Variants in SH3RF3 observed in about 807,000 individuals in gnomAD.
SH3RF3 encodes E3 ubiquitin-protein ligase SH3RF3.
A neutral mutation model predicts 66.3 loss-of-function variants in SH3RF3; 29 were observed. That is an observed-to-expected ratio of 0.44 (90% CI 0.33 to 0.60). The LOEUF (loss-of-function observed/expected upper bound fraction) is 0.60. SH3RF3 is among the 20% of genes least tolerant of loss of function. The pLI is 0.04. For synonymous variants in SH3RF3, 583 were observed against 532.0 expected (o/e 1.10, Z -1.32); for missense variants, 1,194 against 1,190.9 (o/e 1.00, Z -0.04).
chr2:109,357,877 CAG>C (rs777668910), intron 2 of SH3RF3, among the ~76,000 whole-genome samples: 3 of 152,304 alleles, frequency 2.0e-5, no homozygotes, highest in Non-Finnish European at 4.4e-5. Context: ...CATCACTCAC[CAG>C]AGTTAGTGCA....
chr2:109,349,565 G>A (rs1429467220), intron 2 of SH3RF3, among the ~76,000 whole-genome samples: 1 of 152,170 alleles, frequency 6.6e-6, no homozygotes, highest in African/African-American at 2.4e-5. Flanking sequence ...CCAAGAGCAG[G>A]GACCTCTGAA....
chr2:109,212,237 C>T (rs1225733626), intron 1 of SH3RF3, among the ~76,000 whole-genome samples: 1 of 152,172 alleles, frequency 6.6e-6, no homozygotes, highest in Non-Finnish European at 1.5e-5. Context: ...CTTGACTCCT[C>T]ACTTCCCTCC....
At chr2:109,386,561 G>GT (rs1186070463) in intron 3 of SH3RF3, among the ~76,000 whole-genome samples, 5 of 152,254 alleles carry the variant, frequency 3.3e-5, no homozygotes, top group Non-Finnish European at 7.3e-5. Flanking sequence ...CGGCCCTTGA[G>GT]TGTGAGTCCT....
chr2:109,200,948 C>T (rs1678656048), intron 1 of SH3RF3, among the ~76,000 whole-genome samples: 2 of 152,286 alleles, frequency 1.3e-5, no homozygotes, highest in South Asian at 4.1e-4. Flanking sequence ...CTCGCAGTGG[C>T]CCGGGGCCCA....
intron 9 of SH3RF3, among the ~76,000 whole-genome samples, chr2:109,491,304 G>T (rs1278416255): frequency 6.6e-6 from 1 of 152,168 alleles, no homozygotes. Flanking sequence ...TGAGTCCCCA[G>T]TGGGCCTATG....
At chr2:109,169,897 CATGG>C (rs1377788020) in intron 1 of SH3RF3, among the ~76,000 whole-genome samples, 1 of 152,120 alleles carries the variant, frequency 6.6e-6, no homozygotes, top group Non-Finnish European at 1.5e-5. Flanking sequence ...ACCTGGCATG[CATGG>C]CAGGTGCTTT....
At chr2:109,371,758 T>C in intron 3 of SH3RF3, 77 bp downstream of exon 3, 1 of 1,262,812 alleles carries the variant, frequency 7.9e-7, no homozygotes, top group Non-Finnish European at 1.1e-6. Context: ...CACCTGACCT[T>C]CAAGCCCCTT....
At chr2:109,279,509 C>A (rs1351018295) in intron 1 of SH3RF3, among the ~76,000 whole-genome samples, 1 of 152,148 alleles carries the variant, frequency 6.6e-6, no homozygotes, top group South Asian at 2.1e-4. Flanking sequence ...CTGGGGAAGT[C>A]GCCACCGCCC....
chr2:109,403,918 G>A (rs887999195), intron 4 of SH3RF3, among the ~76,000 whole-genome samples: 10 of 152,216 alleles, frequency 6.6e-5, no homozygotes, highest in Non-Finnish European at 1.3e-4. Context: ...GAGTGAGGGC[G>A]TGCGTGCGGG....
chr2:109,207,148 G>T (rs952332140), intron 1 of SH3RF3, among the ~76,000 whole-genome samples: 12 of 152,086 alleles, frequency 7.9e-5, no homozygotes, highest in Non-Finnish European at 5.9e-5. Context: ...TGGGGGTGAG[G>T]GTGCAATGAC....
intron 3 of SH3RF3, among the ~76,000 whole-genome samples, chr2:109,380,220 T>G (rs1559052289): frequency 6.6e-6 from 1 of 151,794 alleles, no homozygotes; most frequent in Admixed American, 6.5e-5. Context: ...GATTTCTCTC[T>G]TCTTAAGTCT....
At position 109,370,227 on chromosome 2, in the gene SH3RF3, GTCTCTC is replaced by G. The variant is rs144011127; in HGVS notation, c.850-1351_850-1346del. On this transcript the variant is annotated intron_variant, in intron 2 of 9. Transcript: ENST00000309415. ...TGTCTCTGTCTCTGTCTCTGTCTCTGTCTCTCTCTCTCTTTTTCTTTTTTTTTTTTA... is the reference window on the plus strand; with the variant it reads ...TGTCTCTGTCTCTGTCTCTGTCTCTGTCTCTCTTTTTCTTTTTTTTTTTTA... 7.2e-4 allele frequency among the ~76,000 whole-genome samples: 70 copies of G among 96,692 alleles called. 1 individual carries two copies. In the Middle Eastern group the frequency reaches 0.033, roughly 46 times the overall value. The allele number at this position is 96,692 out of a possible 152,430, so 63.4% of individuals were successfully genotyped here.
At chr2:109,284,576 G>C (rs1680980496) in intron 1 of SH3RF3, among the ~76,000 whole-genome samples, 1 of 152,224 alleles carries the variant, frequency 6.6e-6, no homozygotes, top group Admixed American at 6.5e-5. Context: ...AGCAGTCACA[G>C]GGTGGTTTTG....
rs140700510 is a variant in SH3RF3, at chr2:109,343,365, C to CT, written c.574-4299dup. Among the ~76,000 whole-genome samples, 559 of 150,708 alleles carry CT rather than the reference C, an allele frequency of 3.7e-3. 2 individuals carry two copies. The highest frequency in any genetic ancestry group is 0.012 in the African/African-American group (480 of 41,164). ...CTGCCTCTCGGCATCTTCCTTGACT[C>CT]TTTTTTTTTTCTTTCCCTCAGAAAT... On this transcript the variant is annotated intron_variant, in intron 1 of 9. Coordinates refer to ENST00000309415, the MANE Select transcript of SH3RF3 (RefSeq NM_001099289.3).
chr2:109,417,631 G>T (rs1242377589), intron 4 of SH3RF3, among the ~76,000 whole-genome samples: 2 of 152,152 alleles, frequency 1.3e-5, no homozygotes, highest in Non-Finnish European at 2.9e-5. Flanking sequence ...CACAGTGTCT[G>T]CATTGCAATG....
At chr2:109,463,794 A>G (rs1678268363) in intron 8 of SH3RF3, among the ~76,000 whole-genome samples, 1 of 152,174 alleles carries the variant, frequency 6.6e-6, no homozygotes, top group Non-Finnish European at 1.5e-5. Context: ...CCTCTGTGAC[A>G]TGGAGAGATG....
intron 1 of SH3RF3, among the ~76,000 whole-genome samples, chr2:109,321,479 T>A (rs1395904702): frequency 6.6e-6 from 1 of 152,282 alleles, no homozygotes; most frequent in Non-Finnish European, 1.5e-5. Flanking sequence ...TAGATTATGC[T>A]TTGTTTCCAT....
At chr2:109,230,115 C>T (rs1468308221) in intron 1 of SH3RF3, among the ~76,000 whole-genome samples, 1 of 152,090 alleles carries the variant, frequency 6.6e-6, no homozygotes, top group Non-Finnish European at 1.5e-5. Flanking sequence ...CGAGCCACCG[C>T]ACCTGGCCGA....
At position 109,130,030 on chromosome 2, in the gene SH3RF3, C is replaced by A. The variant is rs1231588310; in HGVS notation, c.490C>A (p.Pro164Thr). The A allele has an allele frequency of 3.0e-6, 4 of 1,340,896 alleles. No homozygotes were observed. The South Asian group carries it at 5.8e-5, about 19-fold the overall frequency. The allele number at this position is 1,340,896 out of a possible 1,614,324, so 83.1% of individuals were successfully genotyped here. The change falls in exon 1 of 10, where the codon CCG becomes ACG. Residue 164 changes from proline (P) to threonine (T), a missense_variant. Coordinates refer to ENST00000309415, the MANE Select transcript of SH3RF3 (RefSeq NM_001099289.3). ...CGCGGCAGGCAGCACCCCGGGTTCC[C>A]CGGTTTTCCTCTCCGCGGCCGCGGG... The part of the protein sequence containing the change: ...GGAAGSTPGS[P>T]VFLSAAAGST...
Sources: gnomAD v4.1 joint callset for allele counts (sites outside exome capture counted in the v4.1 genomes callset) on GRCh38, gnomAD v4.1.1 for gene constraint, MANE v1.5 for transcripts, NCBI Gene and HGNC (gene_info 2026-07-23, HGNC 2026-07-21) for gene names.